NBAS: variants seen among roughly 807,000 people sequenced by gnomAD.
NBAS encodes the protein NAG/BC035112 fusion.
In NBAS, 219 loss-of-function variants were observed where a neutral mutation model predicts 302.5. That is an observed-to-expected ratio of 0.72 (90% CI 0.65 to 0.81). The LOEUF is 0.81. NBAS is among the 30% of genes least tolerant of loss of function. The pLI, the probability that NBAS is intolerant of heterozygous loss-of-function variation, is 0.00. For synonymous variants in NBAS, 1,118 were observed against 1,021.6 expected, an observed-to-expected ratio of 1.09 and a Z score of -1.80; for missense variants, 2,932 against 2,841.6, an observed-to-expected ratio of 1.03 and a Z score of -0.72.
At chr2:15,362,089 G>C (rs776617736) in intron 32 of NBAS, among the ~76,000 whole-genome samples, 1 of 151,922 alleles carries the variant, frequency 6.6e-6, no homozygotes, top group Non-Finnish European at 1.5e-5. Context: ...AGGAAGGGTT[G>C]AATAAAACTT....
chr2:15,236,216 T>C (rs1472817018), intron 45 of NBAS, among the ~76,000 whole-genome samples: 1 of 152,068 alleles, frequency 6.6e-6, no homozygotes, highest in African/African-American at 2.4e-5. Context: ...AACAAACATG[T>C]TTTTTATCAA....
the NBAS span, among the ~76,000 whole-genome samples, chr2:15,006,526 C>T: frequency 6.6e-6 from 1 of 152,090 alleles, no homozygotes; most frequent in Admixed American, 6.6e-5. Flanking sequence ...TACAACTATG[C>T]TTTAAAAATG....
the NBAS span, among the ~76,000 whole-genome samples, chr2:14,993,947 G>A: frequency 3.3e-5 from 5 of 152,228 alleles, no homozygotes; most frequent in African/African-American, 7.2e-5. Context: ...TCCCCAGTCC[G>A]GAAGACAGAA....
the NBAS span, among the ~76,000 whole-genome samples, chr2:14,800,828 C>T: frequency 7.4e-6 from 1 of 135,292 alleles, no homozygotes; most frequent in Non-Finnish European, 1.6e-5. Flanking sequence ...TGCCCACTTA[C>T]TATTTCCAGT....
chr2:15,198,314 T>C (rs1665712025), intron 48 of NBAS, among the ~76,000 whole-genome samples: 2 of 152,232 alleles, frequency 1.3e-5, no homozygotes, highest in Non-Finnish European at 2.9e-5. Context: ...GCTTTTATTG[T>C]AACACATTCA....
chr2:14,941,518 C>G, the NBAS span, among the ~76,000 whole-genome samples: 1 of 152,238 alleles, frequency 6.6e-6, no homozygotes, highest in Non-Finnish European at 1.5e-5. Context: ...CCTGGACTTT[C>G]TTGCAGATGC....
At chr2:14,821,790 G>T in the NBAS span, among the ~76,000 whole-genome samples, 1 of 151,838 alleles carries the variant, frequency 6.6e-6, no homozygotes. Flanking sequence ...AGGCAGGTGG[G>T]TCACAAGGTC....
rs1308197501 is a variant in NBAS at position 15,464,849 on chromosome 2, C to T, written c.2097+2480G>A. On this transcript the variant is annotated intron_variant, in intron 19 of 51. Coordinates refer to ENST00000281513, the MANE Select transcript of NBAS (RefSeq NM_015909.4). The stretch of plus-strand genomic sequence containing the variant: ...GTTCTGTGCCACCCCTCACGCTCCC[C>T]ATCCTGTACCCTGACTAGCTTACTT... Among the ~76,000 whole-genome samples, 4 of 152,224 alleles carry T rather than the reference C, an allele frequency of 2.6e-5. No individual in the cohort carries two copies. The South Asian group carries it at 6.2e-4, about 24-fold the overall frequency.
Position 15,276,994 on chromosome 2 carries a change from G to A in NBAS, c.5246C>T (p.Pro1749Leu). 6.2e-7 allele frequency: 1 copy of A among 1,613,974 alleles called. No individual in the cohort carries two copies. Among genetic ancestry groups the A allele is most frequent in the Non-Finnish European group, 8.5e-7 (1 of 1,179,956 alleles). The change falls in exon 43 of 52, where the codon CCT (proline) becomes CTT (leucine). Residue 1749 changes from proline (P) to leucine (L), a missense_variant. Pro to Leu is a moderately conservative substitution (Grantham distance 98). Transcript: ENST00000281513. ...TTCGTGATCAAAGCCACCAATAGTA[G>A]GGTAAATATACTTGACCATGTGCTG... ...FHQHMVKYIY[P>L]TIGGFDHERL...
intron 47 of NBAS, among the ~76,000 whole-genome samples, chr2:15,225,601 T>C (rs950747870): frequency 5.3e-5 from 8 of 152,196 alleles, no homozygotes; most frequent in African/African-American, 1.9e-4. Flanking sequence ...TTATGTGACA[T>C]TGTTCAATAT....
At chr2:15,208,910 CAAATATA>C (rs1460269906) in intron 48 of NBAS, among the ~76,000 whole-genome samples, 2 of 151,886 alleles carry the variant, frequency 1.3e-5, no homozygotes, top group Non-Finnish European at 2.9e-5. Context: ...AAGAGCAAAT[CAAATATA>C]AAATTAGTAG....
At chr2:15,125,224 A>G in the NBAS span, among the ~76,000 whole-genome samples, 1 of 152,214 alleles carries the variant, frequency 6.6e-6, no homozygotes, top group Non-Finnish European at 1.5e-5. Context: ...TAATTTATAA[A>G]GAAAAGAAGT....
the NBAS span, among the ~76,000 whole-genome samples, chr2:14,977,863 AT>A: frequency 6.6e-6 from 1 of 151,984 alleles, no homozygotes; most frequent in African/African-American, 2.4e-5. Context: ...TTCAATAGGG[AT>A]TGTTTTTTTT....
intron 28 of NBAS, among the ~76,000 whole-genome samples, chr2:15,393,915 G>A (rs1271408111): frequency 6.6e-6 from 1 of 152,058 alleles, no homozygotes; most frequent in East Asian, 1.9e-4. Flanking sequence ...GTAATATACA[G>A]AAGTAAAGAA....
intron 10 of NBAS, among the ~76,000 whole-genome samples, chr2:15,506,482 C>T (rs1027099971): frequency 1.3e-5 from 2 of 152,134 alleles, no homozygotes; most frequent in Non-Finnish European, 2.9e-5. Flanking sequence ...ACAAGAGTAG[C>T]ATTTTTTAAA....
chr2:15,124,709 C>T, the NBAS span, among the ~76,000 whole-genome samples: 5 of 152,224 alleles, frequency 3.3e-5, no homozygotes, highest in Non-Finnish European at 5.9e-5. Context: ...GCTCAAAGGG[C>T]CCCAGGTACA....
chr2:15,217,928 T>C (rs1248974637), intron 48 of NBAS, among the ~76,000 whole-genome samples: 1 of 152,164 alleles, frequency 6.6e-6, no homozygotes, highest in Non-Finnish European at 1.5e-5. Flanking sequence ...CTCAAATATG[T>C]GGAATTCAAG....
At chr2:15,191,959 C>A (rs1665380300) in intron 48 of NBAS, among the ~76,000 whole-genome samples, 1 of 152,152 alleles carries the variant, frequency 6.6e-6, no homozygotes, top group South Asian at 2.1e-4. Context: ...GTTTCCTCTG[C>A]CAGATACCCT....
intron 47 of NBAS, among the ~76,000 whole-genome samples, chr2:15,219,670 G>C (rs1415680101): frequency 7.2e-6 from 1 of 138,350 alleles, no homozygotes; most frequent in African/African-American, 2.8e-5. Flanking sequence ...GGATCCCAAG[G>C]CAGAAGAATT....
Sources: gnomAD v4.1 joint callset for allele counts (sites outside exome capture counted in the v4.1 genomes callset) on GRCh38, gnomAD v4.1.1 for gene constraint, MANE v1.5 for transcripts, NCBI Gene and HGNC (gene_info 2026-07-23, HGNC 2026-07-21) for gene names.